Variants in ANK1 observed in about 807,000 individuals in gnomAD.
ANK1 encodes ankyrin 1.
In ANK1, 51 loss-of-function variants were observed where a neutral mutation model predicts 210.4. The ratio of observed to expected loss-of-function variants is 0.24; its 90% CI spans 0.19 to 0.31. ANK1 has a LOEUF of 0.31. Among genes scored for constraint, ANK1 ranks in the 10% least tolerant of loss-of-function variants. The pLI is 1.00. For missense variants in ANK1, 2,051 were observed against 2,504.4 expected (o/e 0.82, Z 3.86); for synonymous variants, 967 against 1,025.9 (o/e 0.94, Z 1.10).
rs1190453799 is a variant in ANK1 at position 41,694,405 on chromosome 8, C to G, written c.3327+187G>C. Among the ~76,000 whole-genome samples the G allele has an allele frequency of 6.6e-6, 1 of 152,192 alleles. No individual in the cohort carries two copies. The highest frequency in any genetic ancestry group is 2.4e-5 in the African/African-American group (1 of 41,448). On this transcript the variant is annotated intron_variant, in intron 28 of 42. Coordinates refer to ENST00000289734, the MANE Select transcript of ANK1 (RefSeq NM_000037.4). This position sits in a 1 kb window ranked among gnomAD's most constrained non-coding sequence, Gnocchi z 5.7. ...TGATGGGTTACCAGGGGTTCTGCAA[C>G]TTATCAGGGAGCTTCCACCTCACCC...
At chr8:41,750,069 G>C (rs987151482) in intron 2 of ANK1, among the ~76,000 whole-genome samples, 1 of 152,216 alleles carries the variant, frequency 6.6e-6, no homozygotes, top group African/African-American at 2.4e-5. Flanking sequence ...GCTTGGAAAG[G>C]TCGTAATTAT....
intron 2 of ANK1, among the ~76,000 whole-genome samples, chr8:41,755,664 G>C (rs573026987): frequency 6.1e-4 from 93 of 152,322 alleles, no homozygotes; most frequent in African/African-American, 2.2e-3. Flanking sequence ...GCAGTGCTAA[G>C]AAGGTCCCAG....
intron 2 of ANK1, among the ~76,000 whole-genome samples, chr8:41,746,993 T>C (rs146331348): frequency 6.6e-6 from 1 of 152,258 alleles, no homozygotes; most frequent in East Asian, 1.9e-4. Context: ...TGCTTTGCAA[T>C]GACAAAACTG....
chr8:41,703,422 G>GTATATATATA lies in ANK1; in HGVS notation c.2295+609_2295+618dup, dbSNP rs57077078. Among the ~76,000 whole-genome samples, 121 of 53,736 alleles carry GTATATATATA rather than the reference G, an allele frequency of 2.3e-3. 3 individuals are homozygous for GTATATATATA. The highest frequency in any genetic ancestry group is 7.4e-3 in the East Asian group (13 of 1,746). 35.3% of individuals were successfully genotyped at this position (53,736 alleles called of 152,430 possible). On this transcript the variant is annotated intron_variant, in intron 20 of 42. Coordinates refer to ENST00000289734, the MANE Select transcript of ANK1 (RefSeq NM_000037.4). ...TATATGTGTGTGTGTGTGTGTGTGT[G>GTATATATATA]TATATATATATATATATATATATAT...
intron 2 of ANK1, among the ~76,000 whole-genome samples, chr8:41,755,452 G>T (rs1361317986): frequency 1.3e-5 from 2 of 152,232 alleles, no homozygotes; most frequent in Non-Finnish European, 2.9e-5. Flanking sequence ...GGCCTCTGAA[G>T]GTGTGATTCA....
At chr8:41,798,260 C>G (rs1011620842), upstream of ANK1, among the ~76,000 whole-genome samples, 34 of 152,202 alleles carry the variant, frequency 2.2e-4, no homozygotes, top group African/African-American at 3.6e-4. Context: ...CGCGCTGCCC[C>G]CTCTGTTCTC....
At chr8:41,669,074 C>T (rs1329538151) in intron 38 of ANK1, among the ~76,000 whole-genome samples, 4 of 151,476 alleles carry the variant, frequency 2.6e-5, no homozygotes, top group Non-Finnish European at 5.9e-5. Flanking sequence ...GTTCCATGTC[C>T]TCTGCTTGTT....
At chr8:41,893,183 C>T (rs918710434) in intron 1 of ANK1, among the ~76,000 whole-genome samples, 3 of 152,202 alleles carry the variant, frequency 2.0e-5, no homozygotes, top group Non-Finnish European at 4.4e-5. Context: ...GCCTCAGGCT[C>T]CCCCAGCCCT....
intron 3 of ANK1, among the ~76,000 whole-genome samples, chr8:41,729,460 A>G (rs1208665593): frequency 6.6e-6 from 1 of 152,178 alleles, no homozygotes; most frequent in Non-Finnish European, 1.5e-5. Context: ...GCACCATCAT[A>G]ACTCACTGCA....
intron 1 of ANK1, among the ~76,000 whole-genome samples, chr8:41,838,929 T>TAGTAC (rs1266271643): frequency 6.6e-6 from 1 of 151,650 alleles, no homozygotes; most frequent in Non-Finnish European, 1.5e-5. Flanking sequence ...GTACAAAAAT[T>TAGTAC]AGTACGGCAT....
intron 1 of ANK1, among the ~76,000 whole-genome samples, chr8:41,872,566 G>T (rs1411173090): frequency 6.6e-6 from 1 of 152,246 alleles, no homozygotes; most frequent in Non-Finnish European, 1.5e-5. Flanking sequence ...GAGGGCAGAA[G>T]CCCCATGTCA....
chr8:41,708,915 G>C lies in ANK1; in HGVS notation c.1861C>G (p.Leu621Val). The C allele has an allele frequency of 1.2e-6, 2 of 1,614,156 alleles. No individual in the cohort carries two copies. Among genetic ancestry groups the C allele is most frequent in the Non-Finnish European group, 8.5e-7 (1 of 1,180,040 alleles). Reference protein sequence around the residue: ...KQNQVEVARSLLQYGGSANAE... With the variant: ...KQNQVEVARSVLQYGGSANAE... ...TTTGCTGAGCCCCCATACTGCAGCA[G>C]ACTACGGGCCACCTCCACCTGGTTC... Residue 621 changes from leucine to valine, a missense_variant, in exon 17 of 43, where the codon CTG becomes GTG. By Grantham distance (32) the Leu-to-Val change is conservative. Transcript: ENST00000289734.
chr8:41,749,295 CT>C (rs35569972), intron 2 of ANK1, among the ~76,000 whole-genome samples: 12,362 of 115,278 alleles, frequency 0.11, 439 homozygotes, highest in South Asian at 0.15. Flanking sequence ...TCATCTTGGA[CT>C]TTTTTTTTTT....
rs1237057433 is a variant in ANK1 at position 41,727,828 on chromosome 8, A to C, written c.327+80T>G. 4 of 1,362,980 alleles carry C rather than the reference A, an allele frequency of 2.9e-6. No individual in the cohort carries two copies. The African/African-American group carries it at 5.7e-5, about 19-fold the overall frequency. 84.4% of individuals were successfully genotyped at this position (1,362,980 alleles called of 1,614,324 possible). A position where few individuals can be genotyped will look rare whatever the true frequency, so the allele number is the denominator to read the frequency against. On this transcript the variant is annotated intron_variant, in intron 4 of 42. Coordinates refer to ENST00000289734, the MANE Select transcript of ANK1 (RefSeq NM_000037.4). Reference sequence around the variant, plus strand: ...TAGTGTGTGTGTTAACACGGCTGCCAATGGACCCACGAGGGAGCAGCAAAG... The same window carrying C: ...TAGTGTGTGTGTTAACACGGCTGCCCATGGACCCACGAGGGAGCAGCAAAG...
rs138004758 is a variant in ANK1, at chr8:41,685,670, T to G, written c.4390+482A>C. Among the ~76,000 whole-genome samples the G allele has an allele frequency of 1.1e-4, 17 of 152,136 alleles. No individual in the cohort carries two copies. The East Asian group carries it at 3.3e-3, about 29-fold the overall frequency. ...ATTTTTTTTAGAGTCAGGATTTTGC[T>G]TGTTGCCCAGGCTGGAGTGCAGCAG... On this transcript the variant is annotated intron_variant, in intron 36 of 42. Coordinates refer to ENST00000289734, the MANE Select transcript of ANK1 (RefSeq NM_000037.4).
intron 22 of ANK1, chr8:41,700,338 G>A: frequency 1.5e-6 from 2 of 1,361,320 alleles, no homozygotes; most frequent in Non-Finnish European, 2.1e-6. Context: ...GAGGAAGATG[G>A]AAAGCAGGAA....
In ANK1 at chr8:41,672,337, C is replaced by A. The variant is rs781732156; in HGVS notation, c.5096+17G>T. The A allele has an allele frequency of 6.2e-7, 1 of 1,613,326 alleles. No individual in the cohort carries two copies. The highest frequency in any genetic ancestry group is 1.7e-5 in the Admixed American group (1 of 60,024). Reference sequence around the variant, plus strand: ...AGAAGACAAAAAGGGACCCTGCTCCCACAGTCAAGCTCTTACCTGTCCTGA... The same window carrying A: ...AGAAGACAAAAAGGGACCCTGCTCCAACAGTCAAGCTCTTACCTGTCCTGA... On this transcript the variant is annotated intron_variant, in intron 38 of 42. Coordinates refer to ENST00000289734, the MANE Select transcript of ANK1 (RefSeq NM_000037.4).
chr8:41,757,027 G>GGCT (rs1158929544), intron 2 of ANK1, among the ~76,000 whole-genome samples: 1 of 152,196 alleles, frequency 6.6e-6, no homozygotes, highest in Non-Finnish European at 1.5e-5. Context: ...GGCCACCAGG[G>GGCT]GCTGGGGAGT....
chr8:41,801,970 T>C (rs930177081), upstream of ANK1, among the ~76,000 whole-genome samples: 3 of 152,208 alleles, frequency 2.0e-5, no homozygotes, highest in African/African-American at 7.2e-5. Context: ...ATTTATTTTA[T>C]AGGGTTTTTG....
Sources: allele counts gnomAD v4.1 joint callset (sites outside exome capture counted in the v4.1 genomes callset), GRCh38; gene constraint gnomAD v4.1.1; non-coding constraint Gnocchi (gnomAD v3.1); transcripts MANE v1.5; gene names NCBI Gene and HGNC (gene_info 2026-07-23, HGNC 2026-07-21).